The following PHC3 variants were observed in gnomAD, a reference collection of about 807,000 sequenced individuals.
The protein encoded by PHC3 is polyhomeotic homolog 3.
Under a neutral mutation model 107.4 loss-of-function variants are expected in PHC3, and 13 were observed. The observed-to-expected ratio is 0.12, with a 90% CI of 0.08 to 0.19. PHC3 has a LOEUF of 0.19. Ranked by LOEUF, PHC3 falls within the 10% of genes least tolerant of loss-of-function variation. PHC3 has a pLI of 1.00. For synonymous variants in PHC3, 456 were observed against 427.4 expected, an observed-to-expected ratio of 1.07 and a Z score of -0.83; for missense variants, 992 against 1,210.9, an observed-to-expected ratio of 0.82 and a Z score of 2.68.
intron 2 of PHC3, among the ~76,000 whole-genome samples, chr3:170,177,600 C>A (rs1277452821): frequency 6.6e-6 from 1 of 151,460 alleles, no homozygotes; most frequent in East Asian, 1.9e-4. Context: ...CACCTGACCT[C>A]AAGTGATCCG....
intron 4 of PHC3, among the ~76,000 whole-genome samples, chr3:170,162,925 A>T (rs1577226674): frequency 6.6e-6 from 1 of 152,226 alleles, no homozygotes; most frequent in East Asian, 1.9e-4. Flanking sequence ...CACCTTTATT[A>T]ACAAGGCTTT....
Position 170,092,835 on chromosome 3 carries a change from T to C in PHC3, c.*4395A>G, listed in dbSNP as rs1714243827. 6.6e-6 allele frequency: 1 copy of C among 152,212 alleles called. No homozygotes were observed. Among genetic ancestry groups the C allele is most frequent in the African/African-American group, 2.4e-5 (1 of 41,448 alleles). 9.4% of individuals were successfully genotyped at this position (152,212 alleles called of 1,614,324 possible). On this transcript the variant is annotated 3_prime_UTR_variant, in exon 15 of 15. Transcript: ENST00000495893. ...CTATTAATATCCATGCTCCCAAGCA[T>C]GGAGACAGTGGGTATAGAGAGTGAA...
At position 170,102,573 on chromosome 3, in the gene PHC3, T is replaced by G. The variant is rs766508751; in HGVS notation, c.2739A>C (p.Lys913Asn). The change falls in exon 14 of 15, where the codon AAA becomes AAC. Residue 913 changes from lysine (K) to asparagine (N), a missense_variant. Transcript: ENST00000495893. ...ERELRDVRIR[K>N]MPENSDLLPV... ...GTAGCAAGTCACTGTTCTCAGGCAT[T>G]TTCCGAATTCTCACATCCCGAAGCT... 1.2e-6 allele frequency: 2 copies of G among 1,613,922 alleles called. No homozygotes were observed. Among genetic ancestry groups the G allele is most frequent in the Non-Finnish European group, 8.5e-7 (1 of 1,179,840 alleles).
chr3:170,150,950 A>T (rs2108603888), intron 4 of PHC3, among the ~76,000 whole-genome samples: 1 of 151,860 alleles, frequency 6.6e-6, no homozygotes, highest in South Asian at 2.1e-4. Flanking sequence ...AGGTGGCTCC[A>T]GCCTATAATC....
intron 4 of PHC3, among the ~76,000 whole-genome samples, chr3:170,166,967 T>C (rs1032553637): frequency 1.3e-5 from 2 of 152,104 alleles, no homozygotes; most frequent in African/African-American, 4.8e-5. Flanking sequence ...GGCATGTACG[T>C]TTTAAAGTTT....
At chr3:170,122,050 T>C (rs906504015) in intron 9 of PHC3, among the ~76,000 whole-genome samples, 1 of 151,684 alleles carries the variant, frequency 6.6e-6, no homozygotes, top group Non-Finnish European at 1.5e-5. Context: ...CCCAGGAGTT[T>C]GGGATGAGCC....
At chr3:170,126,244 T>C (rs1721208770) in intron 8 of PHC3, among the ~76,000 whole-genome samples, 1 of 151,490 alleles carries the variant, frequency 6.6e-6, no homozygotes, top group African/African-American at 2.4e-5. Context: ...ATGGAAAAAA[T>C]AACACATTTG....
intron 4 of PHC3, among the ~76,000 whole-genome samples, chr3:170,164,995 T>C (rs1048798360): frequency 2.0e-5 from 3 of 152,122 alleles, no homozygotes; most frequent in Admixed American, 6.5e-5. Context: ...ACTTTCATAC[T>C]AGCCAGGTGA....
chr3:170,160,203 A>G (rs1438339520), intron 4 of PHC3, among the ~76,000 whole-genome samples: 1 of 152,150 alleles, frequency 6.6e-6, no homozygotes, highest in Non-Finnish European at 1.5e-5. Flanking sequence ...GAATCCCTAA[A>G]TCTAACCTCT....
chr3:170,136,542 T>C lies in PHC3; in HGVS notation c.796A>G (p.Ser266Gly), dbSNP rs753276744. Reference protein sequence around the residue: ...TICHNKTTVTSSKISQRDPSP... With the variant: ...TICHNKTTVTGSKISQRDPSP... ...GGATCTCGTTGGCTGATTTTAGAACTGGTCACTGTTGTTTTGTTATGACAA... is the reference window on the plus strand; with the variant it reads ...GGATCTCGTTGGCTGATTTTAGAACCGGTCACTGTTGTTTTGTTATGACAA... The change falls in exon 7 of 15, where the codon AGT (serine) becomes GGT (glycine). Residue 266 changes from serine (S) to glycine (G), a missense_variant. By Grantham distance (56) the Ser-to-Gly change is moderately conservative. Coordinates refer to ENST00000495893, the MANE Select transcript of PHC3 (RefSeq NM_024947.4). The C allele has an allele frequency of 3.7e-6, 6 of 1,612,292 alleles. No individual in the cohort carries two copies. Among genetic ancestry groups the C allele is most frequent in the East Asian group, 2.2e-5 (1 of 44,844 alleles).
At chr3:170,164,121 G>C (rs920828576) in intron 4 of PHC3, among the ~76,000 whole-genome samples, 4 of 152,114 alleles carry the variant, frequency 2.6e-5, no homozygotes, top group Non-Finnish European at 4.4e-5. Flanking sequence ...AGAATTGCTT[G>C]AGAATTTGAA....
chr3:170,125,971 G>C, intron 8 of PHC3: 1 of 979,764 alleles, frequency 1.0e-6, no homozygotes. Context: ...CCTCAATAAA[G>C]TCCAATATTC....
At chr3:170,126,362 T>C (rs927402220) in intron 8 of PHC3, among the ~76,000 whole-genome samples, 1 of 151,712 alleles carries the variant, frequency 6.6e-6, no homozygotes, top group Non-Finnish European at 1.5e-5. Flanking sequence ...GAAACATCCA[T>C]AGCAAGCATT....
Position 170,089,928 on chromosome 3 carries a change from A to AG in PHC3, c.*7301dup, listed in dbSNP as rs1491451623. The AG allele has an allele frequency of 7.1e-6, 1 of 140,546 alleles. No homozygotes were observed. The highest frequency in any genetic ancestry group is 1.9e-4 in the East Asian group (1 of 5,164). 8.7% of individuals were successfully genotyped at this position (140,546 alleles called of 1,614,324 possible). The stretch of plus-strand genomic sequence containing the variant: ...CGAACCCATCTCAAAAAAAAAAAAA[A>AG]GAAAAAAAAAAAAAAAGAAAGAAAG... On this transcript the variant is annotated 3_prime_UTR_variant, in exon 15 of 15. Coordinates refer to ENST00000495893, the MANE Select transcript of PHC3 (RefSeq NM_024947.4).
intron 10 of PHC3, among the ~76,000 whole-genome samples, chr3:170,113,996 C>G (rs1005614587): frequency 2.0e-5 from 3 of 151,918 alleles, no homozygotes; most frequent in Non-Finnish European, 4.4e-5. Context: ...TGGAGACTAA[C>G]TTTTTTCCTT....
intron 4 of PHC3, among the ~76,000 whole-genome samples, chr3:170,158,144 C>T (rs1241719012): frequency 6.6e-6 from 1 of 151,876 alleles, no homozygotes; most frequent in African/African-American, 2.4e-5. Flanking sequence ...ATTGGAAATT[C>T]CATAAGGTAA....
At chr3:170,113,215 A>G (rs1201601195) in intron 11 of PHC3, 145 bp downstream of exon 11, 7 of 669,716 alleles carry the variant, frequency 1.0e-5, no homozygotes, top group African/African-American at 1.9e-5. Context: ...TAGCTTTCCC[A>G]TTATTTTAGT....
At chr3:170,181,242 A>G (rs536148643) in intron 1 of PHC3, among the ~76,000 whole-genome samples, 92 of 152,150 alleles carry the variant, frequency 6.0e-4, no homozygotes, top group Admixed American at 1.1e-3. Context: ...GCTGAGGAGG[A>G]GTGGGGTGGC....
At chr3:170,117,844 CA>C (rs556845192) in intron 9 of PHC3, among the ~76,000 whole-genome samples, 1,888 of 117,838 alleles carry the variant, frequency 0.016, 35 homozygotes, top group African/African-American at 0.052. Flanking sequence ...AAAAAAAAAC[CA>C]AAAAAAAAAA....
Sources: gnomAD v4.1 joint callset for allele counts (sites outside exome capture counted in the v4.1 genomes callset) on GRCh38, gnomAD v4.1.1 for gene constraint, MANE v1.5 for transcripts, NCBI Gene and HGNC (gene_info 2026-07-23, HGNC 2026-07-21) for gene names.